The following AFDN variants were observed in gnomAD, a reference collection of about 807,000 sequenced individuals.
AFDN encodes the protein afadin.
Under a neutral mutation model 216.6 loss-of-function variants are expected in AFDN, and 68 were observed. The observed-to-expected ratio is 0.31, with a 90% CI of 0.26 to 0.38. AFDN has a LOEUF of 0.38. Among genes scored for constraint, AFDN ranks in the 10% least tolerant of loss-of-function variants. The pLI is 1.00. For missense variants in AFDN, 2,136 were observed against 2,342.0 expected, an observed-to-expected ratio of 0.91 and a Z score of 1.82; for synonymous variants, 868 against 853.7, an observed-to-expected ratio of 1.02 and a Z score of -0.29.
intron 13 of AFDN, among the ~76,000 whole-genome samples, chr6:167,910,363 T>C (rs1790233566): frequency 6.6e-6 from 1 of 152,228 alleles, no homozygotes; most frequent in African/African-American, 2.4e-5. Flanking sequence ...AACCTAACTT[T>C]TGAATTAATT....
Position 167,965,844 on chromosome 6 carries a change from G to A in AFDN, c.5056G>A (p.Glu1686Lys), listed in dbSNP as rs767776025. ...DEAARRLLEP[E>K]APGLCRPPLP... ...GGCGGCGCGCAGGTTGCTGGAGCCC[G>A]AGGCGCCCGGTCTGTGCCGCCCTCC... Residue 1686 changes from glutamate to lysine, a missense_variant, in exon 32 of 34, where the codon GAG (glutamate) becomes AAG (lysine). Coordinates refer to ENST00000683244, the MANE Select transcript of AFDN (RefSeq NM_001386888.1). 1.3e-5 allele frequency: 20 copies of A among 1,550,184 alleles called. No homozygotes were observed. The highest frequency in any genetic ancestry group is 2.0e-5 in the Admixed American group (1 of 51,122).
chr6:167,896,726 T>G, intron 9 of AFDN, 152 bp from the exon 10 acceptor site: 1 of 556,958 alleles, frequency 1.8e-6, no homozygotes, highest in South Asian at 2.3e-5. Context: ...TCCAGTTTGT[T>G]AAATTGTGTT....
chr6:167,909,313 A>T (rs1321731096), intron 13 of AFDN, among the ~76,000 whole-genome samples: 1 of 151,898 alleles, frequency 6.6e-6, no homozygotes, highest in Non-Finnish European at 1.5e-5. Context: ...ATTTGGTTAT[A>T]TTTTTATTAT....
chr6:167,827,373 C>A, intron 1 of AFDN, 136 bp downstream of exon 1: 1 of 150,124 alleles, frequency 6.7e-6, no homozygotes, highest in Non-Finnish European at 1.4e-5. Flanking sequence ...CTCTCCCCTC[C>A]CCCTCCCCCA....
intron 23 of AFDN, 46 bp from the exon 24 acceptor site, chr6:167,943,083 T>G: frequency 2.6e-6 from 4 of 1,531,314 alleles, no homozygotes; most frequent in Non-Finnish European, 3.6e-6. Context: ...GTGCATTTCT[T>G]ACAATATATC....
At chr6:167,881,339 C>G (rs1243698208) in intron 6 of AFDN, among the ~76,000 whole-genome samples, 1 of 152,138 alleles carries the variant, frequency 6.6e-6, no homozygotes, top group Non-Finnish European at 1.5e-5. Flanking sequence ...GATGGGAAAT[C>G]ATGTTTTTCT....
In AFDN at chr6:167,923,088, A is replaced by T. The variant is rs1419681395; in HGVS notation, c.3012+129A>T. The T allele has an allele frequency of 1.5e-5, 9 of 597,640 alleles. No individual in the cohort carries two copies. The East Asian group carries it at 2.5e-4, about 16-fold the overall frequency. The allele number at this position is 597,640 out of a possible 1,614,324, so 37.0% of individuals were successfully genotyped here. Reference sequence around the variant, plus strand: ...GTTTTAAAATCGCTGTTAAATACTGATATTCAGAAATTTTCAAGCCATAAT... The same window carrying T: ...GTTTTAAAATCGCTGTTAAATACTGTTATTCAGAAATTTTCAAGCCATAAT... On this transcript the variant is annotated intron_variant, in intron 22 of 33. Transcript: ENST00000683244.
Position 167,927,189 on chromosome 6 carries a change from G to T in AFDN, c.3099+2098G>T, listed in dbSNP as rs542493453. The stretch of plus-strand genomic sequence containing the variant: ...GGAGAAATTAAGAAGATGAATGGGC[G>T]TTGTAGCGGTTGTGGAGGGCATCTT... On this transcript the variant is annotated intron_variant, in intron 23 of 33. Coordinates refer to ENST00000683244, the MANE Select transcript of AFDN (RefSeq NM_001386888.1). Among the ~76,000 whole-genome samples, 25 of 152,244 alleles carry T rather than the reference G, an allele frequency of 1.6e-4. No individual in the cohort carries two copies. In the South Asian group the frequency reaches 5.0e-3, roughly 30 times the overall value.
chr6:167,935,893 T>C (rs1160700478), intron 23 of AFDN, among the ~76,000 whole-genome samples: 1 of 152,226 alleles, frequency 6.6e-6, no homozygotes, highest in African/African-American at 2.4e-5. Flanking sequence ...GTGTTGCTAG[T>C]ACCTATCATT....
chr6:167,830,771 G>A (rs1309046953), intron 1 of AFDN, among the ~76,000 whole-genome samples: 3 of 152,220 alleles, frequency 2.0e-5, no homozygotes, highest in East Asian at 3.9e-4. Flanking sequence ...GGTGATTCAT[G>A]TTTTCTGGAG....
intron 23 of AFDN, among the ~76,000 whole-genome samples, chr6:167,927,554 T>C (rs1388898721): frequency 6.6e-6 from 1 of 152,172 alleles, no homozygotes; most frequent in Admixed American, 6.5e-5. Flanking sequence ...CAGGATGGAT[T>C]AGAAGAACCT....
At chr6:167,902,290 A>G (rs755456965) in intron 11 of AFDN, 27 bp from the exon 12 acceptor site, 5 of 1,536,436 alleles carry the variant, frequency 3.3e-6, no homozygotes, top group Non-Finnish European at 3.6e-6. Context: ...TTATTAAGTC[A>G]GTGTGTTTCT....
Position 167,951,393 on chromosome 6 carries a change from C to T in AFDN, c.4039C>T (p.Pro1347Ser), listed in dbSNP as rs752085292. The change falls in exon 30 of 34, where the codon CCT (proline) becomes TCT (serine). Residue 1347 changes from proline (P) to serine (S), a missense_variant. By Grantham distance (74) the Pro-to-Ser change is moderately conservative. Around this residue, in one of 8 missense-constraint regions of AFDN, gnomAD observed 981 missense variants for 966.0 expected, o/e 1.02. Transcript: ENST00000683244. This position sits in a 1 kb window ranked among gnomAD's most constrained non-coding sequence, Gnocchi z 7.1. ...TGCTTCCACACTGACCAAAAGTGGCCCTGGCCGTTGGAAAACACCAGCAGC... is the reference window on the plus strand; with the variant it reads ...TGCTTCCACACTGACCAAAAGTGGCTCTGGCCGTTGGAAAACACCAGCAGC... Reference protein sequence around the residue: ...TPASTLTKSGPGRWKTPAAIP... With the variant: ...TPASTLTKSGSGRWKTPAAIP... The T allele has an allele frequency of 5.0e-6, 8 of 1,614,124 alleles. No homozygotes were observed. In the South Asian group the frequency reaches 8.8e-5, roughly 18 times the overall value.
intron 29 of AFDN, among the ~76,000 whole-genome samples, chr6:167,949,793 G>C (rs1795750484): frequency 6.6e-6 from 1 of 152,154 alleles, no homozygotes; most frequent in Admixed American, 6.5e-5. Flanking sequence ...ATTTCCTGTT[G>C]TGTGGGGCTG....
intron 22 of AFDN, 160 bp downstream of exon 22, chr6:167,923,119 T>A (rs1213822229): frequency 1.8e-6 from 1 of 554,320 alleles, no homozygotes; most frequent in Non-Finnish European, 3.1e-6. Flanking sequence ...ATAATTCATA[T>A]ATATGTATTT....
In AFDN at chr6:167,913,276, A is replaced by G. The variant is rs1404544159; in HGVS notation, c.2038-127A>G. On this transcript the variant is annotated intron_variant, in intron 15 of 33. Transcript: ENST00000683244. ...ATGAAAATGTTATTTTGGGAATAAC[A>G]TAACTAAATGTCGTACCTTCATGTC... 9 of 891,042 alleles carry G rather than the reference A, an allele frequency of 1.0e-5. No homozygotes were observed. The African/African-American group carries it at 1.3e-4, about 13-fold the overall frequency. The allele number at this position is 891,042 out of a possible 1,614,324, so 55.2% of individuals were successfully genotyped here.
chr6:167,859,107 C>T (rs1783244032), intron 1 of AFDN, among the ~76,000 whole-genome samples: 1 of 146,226 alleles, frequency 6.8e-6, no homozygotes, highest in Non-Finnish European at 1.5e-5. Context: ...CAAATGCTTC[C>T]AGGTATATTA....
At position 167,872,314 on chromosome 6, in the gene AFDN, G is replaced by A; in HGVS notation, c.515G>A (p.Arg172Lys). The change falls in exon 4 of 34, where the codon AGA (arginine) becomes AAA (lysine). Residue 172 changes from arginine (R) to lysine (K), a missense_variant. Arg to Lys is a conservative substitution (Grantham distance 26, BLOSUM62 2). This residue lies in a region of AFDN where 817 missense variants were observed against 965.7 expected (regional missense o/e 0.85). Coordinates refer to ENST00000683244, the MANE Select transcript of AFDN (RefSeq NM_001386888.1). ...AAAGAAAAGAAGGAAAAAAAGAAGA[G>A]AGAAAAAGAGGCATTGCGACAGGCA... ...SKKEKKEKKK[R>K]EKEALRQASD... 6.2e-7 allele frequency: 1 copy of A among 1,614,028 alleles called. No homozygotes were observed. The highest frequency in any genetic ancestry group is 8.5e-7 in the Non-Finnish European group (1 of 1,179,972).
rs1181394620 is a variant in AFDN at position 167,962,541 on chromosome 6, C to T, written c.4942C>T (p.Arg1648Ter). 4 of 1,613,774 alleles carry T rather than the reference C, an allele frequency of 2.5e-6. No homozygotes were observed. The highest frequency in any genetic ancestry group is 3.4e-6 in the Non-Finnish European group (4 of 1,179,858). Residue 1648 changes from arginine (R) to a stop codon, truncating the protein, a stop_gained, in exon 31 of 34, where the codon CGA (arginine) becomes TGA (stop). Transcript: ENST00000683244. LOFTEE classifies it high-confidence loss of function. This position sits in a 1 kb window ranked among gnomAD's most constrained non-coding sequence, Gnocchi z 5.2. ...AGAGCGCCGGCGGCAGGAGGAGGAG[C>T]GAACAAAACGAGACGCTGAAGAAAA... Reference protein sequence around the residue: ...EEERRRQEEERTKRDAEEKRR... With the variant: ...EEERRRQEEE
Sources: gnomAD v4.1 joint callset for allele counts (sites outside exome capture counted in the v4.1 genomes callset) on GRCh38, gnomAD v4.1.1 for gene constraint, gnomAD v4.1.1 regional missense constraint, Gnocchi (gnomAD v3.1) non-coding constraint, MANE v1.5 for transcripts, NCBI Gene and HGNC (gene_info 2026-07-23, HGNC 2026-07-21) for gene names.